The following MEIS2 variants were observed in gnomAD, a reference collection of about 807,000 sequenced individuals.
The protein encoded by MEIS2 is Meis homeobox 2.
A neutral mutation model predicts 58.6 loss-of-function variants in MEIS2; 9 were observed. That is an observed-to-expected ratio of 0.15 (90% CI 0.09 to 0.27). The LOEUF is 0.27. Among genes scored for constraint, MEIS2 ranks in the 10% least tolerant of loss-of-function variants. The probability of loss-of-function intolerance (pLI) is 1.00; values close to 1 mark genes in which losing one functional copy is unlikely to be tolerated. For missense variants in MEIS2, 427 were observed against 635.0 expected, an observed-to-expected ratio of 0.67 and a Z score of 3.52; for synonymous variants, 221 against 228.4, an observed-to-expected ratio of 0.97 and a Z score of 0.29.
intron 8 of MEIS2, among the ~76,000 whole-genome samples, chr15:36,961,586 A>G (rs1302114655): frequency 6.6e-6 from 1 of 152,158 alleles, no homozygotes; most frequent in Non-Finnish European, 1.5e-5. Context: ...TGCTGATAAT[A>G]TGTTTATAGT....
intron 8 of MEIS2, among the ~76,000 whole-genome samples, chr15:36,956,185 T>C (rs1182195394): frequency 2.4e-5 from 2 of 84,788 alleles, no homozygotes; most frequent in African/African-American, 1.1e-4. Flanking sequence ...CAAAACTCCA[T>C]CTCAAAAAAA....
At chr15:37,091,434 C>G (rs1316423128) in intron 6 of MEIS2, among the ~76,000 whole-genome samples, 1 of 152,054 alleles carries the variant, frequency 6.6e-6, no homozygotes, top group Non-Finnish European at 1.5e-5. Context: ...GTTCAGATCT[C>G]TAGGAAATAA....
At chr15:37,058,583 T>C (rs940803313) in intron 7 of MEIS2, among the ~76,000 whole-genome samples, 1 of 152,244 alleles carries the variant, frequency 6.6e-6, no homozygotes, top group Non-Finnish European at 1.5e-5. Flanking sequence ...ATGTGATCTG[T>C]GCAGTCACCA....
At chr15:37,057,107 C>T (rs1447046840) in intron 7 of MEIS2, among the ~76,000 whole-genome samples, 4 of 152,204 alleles carry the variant, frequency 2.6e-5, no homozygotes, top group African/African-American at 7.2e-5. Context: ...CAAATCCTCA[C>T]GGCACCTAGC....
chr15:36,963,355 G>A (rs1035670797), intron 8 of MEIS2, among the ~76,000 whole-genome samples: 2 of 150,656 alleles, frequency 1.3e-5, no homozygotes, highest in Admixed American at 6.7e-5. Context: ...ACTCCAGCCC[G>A]GGTGACAGTG....
intron 8 of MEIS2, among the ~76,000 whole-genome samples, chr15:36,996,437 G>A (rs966801225): frequency 6.6e-6 from 1 of 152,054 alleles, no homozygotes; most frequent in Non-Finnish European, 1.5e-5. Context: ...TCGAGATTGG[G>A]AAAATTAATA....
At chr15:36,912,680 T>C (rs1294226489) in intron 9 of MEIS2, among the ~76,000 whole-genome samples, 1 of 152,154 alleles carries the variant, frequency 6.6e-6, no homozygotes, top group Non-Finnish European at 1.5e-5. Flanking sequence ...ATTGCCACCT[T>C]GGTGAGAGAT....
At chr15:36,980,379 T>G (rs1410806321) in intron 8 of MEIS2, among the ~76,000 whole-genome samples, 1 of 152,190 alleles carries the variant, frequency 6.6e-6, no homozygotes, top group Non-Finnish European at 1.5e-5. Flanking sequence ...GAAAGAGGTT[T>G]AATTGGAATT....
chr15:37,066,829 T>G (rs1314366472), intron 7 of MEIS2, among the ~76,000 whole-genome samples: 1 of 152,068 alleles, frequency 6.6e-6, no homozygotes, highest in Non-Finnish European at 1.5e-5. Flanking sequence ...CAGGCTGGAG[T>G]GCAGTGGTGT....
At chr15:37,006,276 G>A (rs1782473854) in intron 8 of MEIS2, among the ~76,000 whole-genome samples, 1 of 152,100 alleles carries the variant, frequency 6.6e-6, no homozygotes, top group Admixed American at 6.5e-5. Context: ...AAGATAATTA[G>A]CTATAAATAA....
At chr15:36,983,812 A>G (rs1012360432) in intron 8 of MEIS2, among the ~76,000 whole-genome samples, 2 of 152,022 alleles carry the variant, frequency 1.3e-5, no homozygotes, top group Admixed American at 6.6e-5. Flanking sequence ...TGATTTTGTC[A>G]ACTTCTTTCA....
At chr15:36,938,807 G>A (rs1276605308) in intron 9 of MEIS2, among the ~76,000 whole-genome samples, 1 of 152,172 alleles carries the variant, frequency 6.6e-6, no homozygotes, top group African/African-American at 2.4e-5. Flanking sequence ...AATAGACACT[G>A]AGAAAGGCTA....
At chr15:37,029,669 G>C (rs923803911) in intron 8 of MEIS2, among the ~76,000 whole-genome samples, 1 of 152,098 alleles carries the variant, frequency 6.6e-6, no homozygotes, top group Non-Finnish European at 1.5e-5. Flanking sequence ...ACAATCAGAA[G>C]ACCAGAATAC....
chr15:36,993,772 A>C (rs2060378441), intron 8 of MEIS2, among the ~76,000 whole-genome samples: 1 of 152,200 alleles, frequency 6.6e-6, no homozygotes, highest in South Asian at 2.1e-4. Context: ...CTGAAGCAAA[A>C]GATTTTTAGC....
chr15:36,944,200 A>G (rs921447219), intron 9 of MEIS2, among the ~76,000 whole-genome samples: 1 of 152,058 alleles, frequency 6.6e-6, no homozygotes, highest in Non-Finnish European at 1.5e-5. Context: ...CTGTAGACAG[A>G]GCAAAATGAA....
intron 8 of MEIS2, among the ~76,000 whole-genome samples, chr15:36,964,856 G>GC (rs2059305511): frequency 6.6e-6 from 1 of 152,124 alleles, no homozygotes; most frequent in African/African-American, 2.4e-5. Flanking sequence ...GAAAATACTG[G>GC]CAGAAATAGG....
rs373238229 is a variant in MEIS2, at chr15:36,902,310, C to T, written c.978-5624G>A. Among the ~76,000 whole-genome samples the T allele has an allele frequency of 1.6e-4, 24 of 152,302 alleles. No individual in the cohort carries two copies. The East Asian group carries it at 3.5e-3, about 22-fold the overall frequency. ...AACTGTGTTGTACTCCTACAGGTAGCGTGTGTTCATATCGCCGGATCTTTC... is the reference window on the plus strand; with the variant it reads ...AACTGTGTTGTACTCCTACAGGTAGTGTGTGTTCATATCGCCGGATCTTTC... On this transcript the variant is annotated intron_variant, in intron 9 of 11. Coordinates refer to ENST00000561208, the MANE Select transcript of MEIS2 (RefSeq NM_170675.5).
intron 9 of MEIS2, chr15:36,898,322 G>C (rs2056291394): frequency 6.6e-6 from 1 of 152,190 alleles, no homozygotes; most frequent in Non-Finnish European, 1.5e-5. Context: ...AAGGAGGACT[G>C]ACCTGATATT....
chr15:37,014,321 T>A (rs2061267344), intron 8 of MEIS2, among the ~76,000 whole-genome samples: 1 of 152,078 alleles, frequency 6.6e-6, no homozygotes, highest in Non-Finnish European at 1.5e-5. Context: ...ATGCTTCCAA[T>A]CCTAAGTGTG....
Sources: allele counts gnomAD v4.1 joint callset (sites outside exome capture counted in the v4.1 genomes callset), GRCh38; gene constraint gnomAD v4.1.1; transcripts MANE v1.5; gene names NCBI Gene and HGNC (gene_info 2026-07-23, HGNC 2026-07-21).